ZNF385D: variants seen among roughly 807,000 people sequenced by gnomAD.
The protein encoded by ZNF385D is zinc finger protein 385D.
Under a neutral mutation model 35.8 loss-of-function variants are expected in ZNF385D, and 15 were observed. The observed-to-expected ratio is 0.42, with a 90% CI of 0.28 to 0.64. The LOEUF is 0.64. Among genes scored for constraint, ZNF385D ranks in the 30% least tolerant of loss-of-function variants. The pLI is 0.23. For missense variants in ZNF385D, 474 were observed against 494.6 expected, an observed-to-expected ratio of 0.96 and a Z score of 0.39; for synonymous variants, 212 against 186.8, an observed-to-expected ratio of 1.13 and a Z score of -1.10.
chr3:21,457,249 T>C (rs992445722), intron 4 of ZNF385D, among the ~76,000 whole-genome samples: 19 of 152,222 alleles, frequency 1.2e-4, no homozygotes, highest in African/African-American at 3.9e-4. Context: ...ATGGCATTTG[T>C]ATGGAAAGAA....
At chr3:22,240,160 G>A (rs895688260) in intron 2 of ZNF385D, among the ~76,000 whole-genome samples, 13 of 124,248 alleles carry the variant, frequency 1.0e-4, no homozygotes, top group Admixed American at 2.0e-4. Flanking sequence ...TCCAGCCTAG[G>A]TGACAAAGCG....
chr3:21,898,738 C>A (rs1699260908), intron 3 of ZNF385D, among the ~76,000 whole-genome samples: 1 of 152,106 alleles, frequency 6.6e-6, no homozygotes, highest in African/African-American at 2.4e-5. Context: ...ATTGATGAAG[C>A]AACTCAATTA....
At chr3:21,990,832 G>A (rs1328605195) in intron 3 of ZNF385D, among the ~76,000 whole-genome samples, 1 of 152,260 alleles carries the variant, frequency 6.6e-6, no homozygotes, top group Non-Finnish European at 1.5e-5. Context: ...AAACTGTATA[G>A]CTTGGATTTC....
intron 2 of ZNF385D, among the ~76,000 whole-genome samples, chr3:22,193,933 G>C (rs1696231594): frequency 1.3e-5 from 2 of 151,886 alleles, no homozygotes; most frequent in African/African-American, 4.8e-5. Context: ...ACTATTATCA[G>C]CATTAGGTAG....
chr3:22,293,795 C>T (rs1021532885), intron 2 of ZNF385D, among the ~76,000 whole-genome samples: 4 of 152,226 alleles, frequency 2.6e-5, no homozygotes, highest in Admixed American at 6.5e-5. Flanking sequence ...ATAGGTTCTA[C>T]TTGAAAACTA....
intron 3 of ZNF385D, among the ~76,000 whole-genome samples, chr3:22,080,035 T>C (rs1700669161): frequency 6.6e-6 from 1 of 152,122 alleles, no homozygotes; most frequent in African/African-American, 2.4e-5. Flanking sequence ...ACTTTCCTGG[T>C]AGACTGCCAA....
chr3:21,594,489 T>C (rs2064073223), intron 2 of ZNF385D, among the ~76,000 whole-genome samples: 1 of 152,138 alleles, frequency 6.6e-6, no homozygotes, highest in African/African-American at 2.4e-5. Context: ...CTGTGGAGAA[T>C]GGCTTCAGCC....
intron 2 of ZNF385D, among the ~76,000 whole-genome samples, chr3:22,284,267 C>A (rs1306521835): frequency 2.6e-5 from 4 of 152,132 alleles, no homozygotes; most frequent in African/African-American, 9.7e-5. Flanking sequence ...TGGCTCACTG[C>A]AACCTTTGCC....
intron 3 of ZNF385D, among the ~76,000 whole-genome samples, chr3:21,931,813 C>G (rs1171033761): frequency 2.0e-5 from 3 of 152,076 alleles, no homozygotes; most frequent in Non-Finnish European, 4.4e-5. Flanking sequence ...GGATTGTACA[C>G]TTAAGTGAGT....
intron 2 of ZNF385D, among the ~76,000 whole-genome samples, chr3:22,280,925 T>C (rs1436454728): frequency 6.6e-6 from 1 of 152,114 alleles, no homozygotes; most frequent in East Asian, 1.9e-4. Context: ...GTTTTGTGGT[T>C]TTCCTTGTAG....
intron 2 of ZNF385D, among the ~76,000 whole-genome samples, chr3:22,321,427 G>A (rs377759815): frequency 3.3e-5 from 5 of 151,830 alleles, no homozygotes; most frequent in Admixed American, 6.6e-5. Flanking sequence ...GTGCAATGGC[G>A]TGATCTCGGC....
At chr3:21,457,165 T>G (rs1030117273) in intron 4 of ZNF385D, among the ~76,000 whole-genome samples, 1 of 151,982 alleles carries the variant, frequency 6.6e-6, no homozygotes, top group Non-Finnish European at 1.5e-5. Flanking sequence ...ACCCAGAAAA[T>G]AAAGTGATGC....
intron 3 of ZNF385D, among the ~76,000 whole-genome samples, chr3:21,872,217 G>A (rs188533197): frequency 1.5e-3 from 230 of 152,182 alleles, no homozygotes; most frequent in Non-Finnish European, 2.7e-3. Context: ...ATTGATGCTC[G>A]AGTAATATAT....
chr3:21,429,716 CCT>C (rs1031394407), intron 5 of ZNF385D, among the ~76,000 whole-genome samples: 1 of 151,916 alleles, frequency 6.6e-6, no homozygotes, highest in African/African-American at 2.4e-5. Context: ...AAAAGTTGCC[CCT>C]CTCTAAAATA....
intron 3 of ZNF385D, among the ~76,000 whole-genome samples, chr3:22,061,640 A>G (rs563841915): frequency 6.6e-6 from 1 of 152,290 alleles, no homozygotes; most frequent in South Asian, 2.1e-4. Flanking sequence ...TCAACAGTTC[A>G]TCCATACAAT....
chr3:22,252,335 A>T (rs892523050), intron 2 of ZNF385D, among the ~76,000 whole-genome samples: 1 of 152,068 alleles, frequency 6.6e-6, no homozygotes, highest in Non-Finnish European at 1.5e-5. Flanking sequence ...ATGTCTTTTA[A>T]TCAGAAAAGA....
At chr3:21,556,618 T>C (rs906932207) in intron 3 of ZNF385D, among the ~76,000 whole-genome samples, 2 of 152,216 alleles carry the variant, frequency 1.3e-5, no homozygotes, top group African/African-American at 4.8e-5. Context: ...CTGTTTTGGT[T>C]ACTGTATCCT....
intron 3 of ZNF385D, among the ~76,000 whole-genome samples, chr3:22,040,675 G>C (rs937434328): frequency 6.6e-6 from 1 of 152,158 alleles, no homozygotes; most frequent in African/African-American, 2.4e-5. Context: ...GACTTCAGGA[G>C]ACTTGGCAAT....
At chr3:21,733,917 T>G (rs896848609) in intron 1 of ZNF385D, among the ~76,000 whole-genome samples, 6 of 152,186 alleles carry the variant, frequency 3.9e-5, no homozygotes. Context: ...GAGATTTACT[T>G]TTTAATGTCC....
Sources: allele counts gnomAD v4.1 joint callset (sites outside exome capture counted in the v4.1 genomes callset), GRCh38; gene constraint gnomAD v4.1.1; transcripts MANE v1.5; gene names NCBI Gene and HGNC (gene_info 2026-07-23, HGNC 2026-07-21).